Variants in ANKRD30B observed in about 807,000 individuals in gnomAD.
ANKRD30B encodes ankyrin repeat domain-containing protein 30B.
A neutral mutation model predicts 202.2 loss-of-function variants in ANKRD30B; 144 were observed. The ratio of observed to expected loss-of-function variants is 0.71; its 90% CI spans 0.62 to 0.82. The LOEUF (loss-of-function observed/expected upper bound fraction) is 0.82. Among genes scored for constraint, ANKRD30B ranks in the 40% least tolerant of loss-of-function variants. The pLI is 0.00. For synonymous variants in ANKRD30B, 508 were observed against 561.3 expected (o/e 0.91, Z 1.34); for missense variants, 1,487 against 1,669.1 (o/e 0.89, Z 1.90).
intron 20 of ANKRD30B, among the ~76,000 whole-genome samples, chr18:14,798,645 C>A (rs1969090308): frequency 6.6e-6 from 1 of 152,048 alleles, no homozygotes; most frequent in Admixed American, 6.6e-5. Context: ...GGACAGGCAC[C>A]CCCCTCCGTG....
At chr18:14,898,681 T>C in the ANKRD30B span, among the ~76,000 whole-genome samples, 1 of 152,226 alleles carries the variant, frequency 6.6e-6, no homozygotes, top group African/African-American at 2.4e-5. Context: ...CCCATTGATT[T>C]ACCTGTCTGT....
the ANKRD30B span, among the ~76,000 whole-genome samples, chr18:14,861,702 A>G: frequency 6.6e-6 from 1 of 151,812 alleles, no homozygotes. Flanking sequence ...CACCGACAGC[A>G]GTAAGCAGAT....
chr18:14,896,876 A>T, the ANKRD30B span, among the ~76,000 whole-genome samples: 1 of 150,484 alleles, frequency 6.6e-6, no homozygotes, highest in Non-Finnish European at 1.5e-5. Context: ...CTATCTGGAT[A>T]TTAATAAATA....
intron 30 of ANKRD30B, among the ~76,000 whole-genome samples, chr18:14,820,590 C>T (rs1007605869): frequency 3.9e-5 from 6 of 152,128 alleles, no homozygotes; most frequent in Non-Finnish European, 5.9e-5. Context: ...TGAATTTTGT[C>T]AAAGGCTTTT....
At chr18:14,940,321 G>C in the ANKRD30B span, among the ~76,000 whole-genome samples, 1 of 152,190 alleles carries the variant, frequency 6.6e-6, no homozygotes, top group Admixed American at 6.5e-5. Context: ...AACAAGCTGG[G>C]GCTCTGCCGC....
chr18:14,928,826 A>G, the ANKRD30B span, among the ~76,000 whole-genome samples: 5 of 152,174 alleles, frequency 3.3e-5, no homozygotes, highest in Non-Finnish European at 7.3e-5. Context: ...CTCATTGACT[A>G]TTCTCAAAAT....
In ANKRD30B at chr18:14,849,062, C is replaced by A. The variant is rs530865996; in HGVS notation, c.3395+133C>A. 99 of 1,093,156 alleles carry A rather than the reference C, an allele frequency of 9.1e-5. 1 individual carries two copies. Among genetic ancestry groups the A allele is most frequent in the African/African-American group, 4.9e-5 (3 of 61,074 alleles). The allele number at this position is 1,093,156 out of a possible 1,614,324, so 67.7% of individuals were successfully genotyped here. A position where few individuals can be genotyped will look rare whatever the true frequency, so the allele number is the denominator to read the frequency against. The stretch of plus-strand genomic sequence containing the variant: ...AATCTGTCTTGTAGAGTGTCAAATT[C>A]TTTTAAATAATAAAAGTTCTTAAAT... On this transcript the variant is annotated intron_variant, in intron 40 of 43. Transcript: ENST00000690538.
chr18:14,751,835 G>T, intron 1 of ANKRD30B, among the ~76,000 whole-genome samples: 1 of 147,372 alleles, frequency 6.8e-6, no homozygotes, highest in East Asian at 2.1e-4. Context: ...CTGTGACTAG[G>T]ACTGCCATCG....
intron 24 of ANKRD30B, among the ~76,000 whole-genome samples, chr18:14,805,783 T>C (rs967250569): frequency 1.3e-4 from 20 of 150,634 alleles, no homozygotes; most frequent in Non-Finnish European, 3.0e-4. Flanking sequence ...TGATTCAAGA[T>C]CACTTATCTC....
chr18:14,763,789 C>G lies in ANKRD30B; in HGVS notation c.924C>G (p.Arg308=). The G allele has an allele frequency of 6.2e-7, 1 of 1,613,974 alleles. No individual in the cohort carries two copies. The highest frequency in any genetic ancestry group is 8.5e-7 in the Non-Finnish European group (1 of 1,179,976). Residue 308 remains arginine (R), a synonymous_variant, in exon 7 of 44, where the codon CGC becomes CGG. Transcript: ENST00000690538. ...LLEKTPDEAA[R]LVEGTSAKIQ... is the part of the protein sequence containing the mutation. ...AAAAAACACCTGACGAGGCTGCACG[C>G]TTGGTGGAGGGAACGTCTGCCAAAA...
chr18:14,901,049 C>A, the ANKRD30B span, among the ~76,000 whole-genome samples: 564 of 152,282 alleles, frequency 3.7e-3, no homozygotes, highest in African/African-American at 0.013. Flanking sequence ...ACTCCAGGAG[C>A]CTATTTTTTC....
intron 34 of ANKRD30B, among the ~76,000 whole-genome samples, chr18:14,836,335 A>G (rs549603069): frequency 6.6e-6 from 1 of 152,234 alleles, no homozygotes; most frequent in South Asian, 2.1e-4. Flanking sequence ...CTAGTAAATA[A>G]CAACTAGGAA....
intron 33 of ANKRD30B, among the ~76,000 whole-genome samples, 190 bp from the exon 34 acceptor site, chr18:14,831,193 A>AAAAAAAAAAAAAAAAAAAAG (rs1970916672): frequency 6.6e-6 from 1 of 150,906 alleles, no homozygotes; most frequent in South Asian, 2.1e-4. Flanking sequence ...AAAAAAAAAA[A>AAAAAAAAAAAAAAAAAAAAG]AAAAAAACGA....
chr18:14,885,233 C>T, the ANKRD30B span, among the ~76,000 whole-genome samples: 1 of 151,926 alleles, frequency 6.6e-6, no homozygotes, highest in Non-Finnish European at 1.5e-5. Context: ...TTTTCTTTAG[C>T]CTTGTGTTAT....
intron 36 of ANKRD30B, among the ~76,000 whole-genome samples, chr18:14,839,421 A>G (rs1367190822): frequency 6.6e-6 from 1 of 152,188 alleles, no homozygotes; most frequent in Non-Finnish European, 1.5e-5. Context: ...GCAGTGGACC[A>G]TATTTGTTCA....
rs188644847 is a variant in ANKRD30B at position 14,796,237 on chromosome 18, T to C, written c.1842T>C (p.Asp614=). The C allele has an allele frequency of 2.0e-3, 3,188 of 1,602,190 alleles. 8 individuals are homozygous for C. The highest frequency in any genetic ancestry group is 5.6e-3 in the Middle Eastern group (34 of 6,028). Residue 614 remains aspartate (D), a synonymous_variant, in exon 17 of 44, where the codon GAT becomes GAC. Transcript: ENST00000690538. ...TACGTTTAGAGTCTCCTGTTAAAGA[T>C]GGTCTTCTGAAGGTAATAACTTTTA... ...SGKLEESPVK[D]GLLKPTCGRK...
At chr18:14,764,557 C>T (rs12457107) in intron 7 of ANKRD30B, among the ~76,000 whole-genome samples, 55,256 of 138,958 alleles carry the variant, frequency 0.4, 10,832 homozygotes, top group East Asian at 0.59. Context: ...CCACACCTGG[C>T]TGATTTTTTG....
At chr18:14,770,469 A>G (rs975852923) in intron 8 of ANKRD30B, among the ~76,000 whole-genome samples, 1 of 152,172 alleles carries the variant, frequency 6.6e-6, no homozygotes. Context: ...TGTTTGAATA[A>G]TAGGAAGAGG....
chr18:14,858,608 TG>T (rs1294987352), downstream of ANKRD30B, among the ~76,000 whole-genome samples: 1 of 101,884 alleles, frequency 9.8e-6, no homozygotes, highest in Admixed American at 1.0e-4. Flanking sequence ...ATTTCCCAGA[TG>T]GGGCGGCTGG....
Sources: allele counts gnomAD v4.1 joint callset (sites outside exome capture counted in the v4.1 genomes callset), GRCh38; gene constraint gnomAD v4.1.1; transcripts MANE v1.5; gene names NCBI Gene and HGNC (gene_info 2026-07-23, HGNC 2026-07-21).